ODAD3: variants seen among roughly 807,000 people sequenced by gnomAD.
ODAD3 encodes outer dynein arm docking complex subunit 3, also known as outer dynein arm-docking complex subunit 3.
ODAD3 carries 57 observed loss-of-function variants against 70.9 expected under a neutral mutation model. The observed-to-expected ratio is 0.80, with a 90% CI of 0.65 to 1.00. ODAD3 has a LOEUF of 1.00. Among genes scored for constraint, ODAD3 ranks in the 50% least tolerant of loss-of-function variants. ODAD3 has a pLI of 0.00. For missense variants in ODAD3, 797 were observed against 763.9 expected, an observed-to-expected ratio of 1.04 and a Z score of -0.51; for synonymous variants, 327 against 315.9, an observed-to-expected ratio of 1.04 and a Z score of -0.37.
rs1165764043 is a variant in ODAD3, at chr19:11,426,154, A to G, written c.953T>C (p.Met318Thr). 1 of 1,610,330 alleles carries G rather than the reference A, an allele frequency of 6.2e-7. No homozygotes were observed. Among genetic ancestry groups the G allele is most frequent in the Non-Finnish European group, 8.5e-7 (1 of 1,179,308 alleles). ...AEEKKLENER[M>T]ERKTHREHLL... ...CCTGGGTGCGCCCACCTTGCGCTCCATGCGCTCGTTCTCCAGTTTCTTCTC... is the reference window on the plus strand; with the variant it reads ...CCTGGGTGCGCCCACCTTGCGCTCCGTGCGCTCGTTCTCCAGTTTCTTCTC... The change falls in exon 7 of 13, where the codon ATG becomes ACG. Residue 318 changes from methionine (M) to threonine (T), a missense_variant. Transcript: ENST00000356392.
At position 11,427,035 on chromosome 19, in the gene ODAD3, C is replaced by A; in HGVS notation, c.450G>T (p.Leu150=). Residue 150 remains leucine (L), a synonymous_variant, in exon 4 of 13, where the codon CTG becomes CTT. Transcript: ENST00000356392. The part of the protein sequence containing the change: ...PYLKNRTGQA[L]EHLDHRLREK... ...CCCTCAGCCGGTGGTCTAGGTGCTCCAGGGCCTGCCGCAAGGAGGGGAGCG... is the reference window on the plus strand; with the variant it reads ...CCCTCAGCCGGTGGTCTAGGTGCTCAAGGGCCTGCCGCAAGGAGGGGAGCG... 1 of 1,581,026 alleles carries A rather than the reference C, an allele frequency of 6.3e-7. No individual in the cohort carries two copies. Among genetic ancestry groups the A allele is most frequent in the East Asian group, 2.3e-5 (1 of 44,120 alleles).
intron 10 of ODAD3, 114 bp from the exon 11 acceptor site, chr19:11,421,946 GC>G: frequency 8.3e-7 from 1 of 1,203,214 alleles, no homozygotes; most frequent in Non-Finnish European, 1.1e-6. Context: ...GGGCCCACCT[GC>G]AGGGTCGATC....
chr19:11,420,991 G>A (rs762260521), intron 12 of ODAD3, 44 bp from the exon 13 acceptor site: 3 of 1,597,554 alleles, frequency 1.9e-6, no homozygotes, highest in Non-Finnish European at 2.6e-6. Flanking sequence ...GTGGGATCCA[G>A]GTCCCCATCC....
At chr19:11,428,363 T>C (rs1019931872) in intron 3 of ODAD3, among the ~76,000 whole-genome samples, 12 of 151,864 alleles carry the variant, frequency 7.9e-5, no homozygotes, top group Non-Finnish European at 1.3e-4. Context: ...CTCCTCAGCG[T>C]CCTCAGTTGC....
upstream of ODAD3, chr19:11,435,196 G>A (rs1969645584): frequency 2.1e-6 from 3 of 1,426,954 alleles, no homozygotes; most frequent in South Asian, 1.5e-5. Context: ...TCTCTCCACT[G>A]TTTCCATGGA....
Position 11,430,689 on chromosome 19 carries a change from G to T in ODAD3, c.444+10C>A, listed in dbSNP as rs768312052. The T allele has an allele frequency of 1.2e-6, 2 of 1,613,986 alleles. No individual in the cohort carries two copies. Among genetic ancestry groups the T allele is most frequent in the South Asian group, 2.2e-5 (2 of 91,066 alleles). On this transcript the variant is annotated intron_variant, in intron 3 of 12. Coordinates refer to ENST00000356392, the MANE Select transcript of ODAD3 (RefSeq NM_145045.5). Reference sequence around the variant, plus strand: ...AAATGAAGGAGGAGGTGGGGCGAGGGTGGGCAAACCTGTCCTGTCCTGTTC... The same window carrying T: ...AAATGAAGGAGGAGGTGGGGCGAGGTTGGGCAAACCTGTCCTGTCCTGTTC...
In ODAD3 at chr19:11,425,245, A is replaced by G. The variant is rs1165552203; in HGVS notation, c.963+899T>C. On this transcript the variant is annotated intron_variant, in intron 7 of 12. Transcript: ENST00000356392. ...TATGTGTGTATATGTACATATGTGT[A>G]TATATGTATATGTACATATGTGTAT... Among the ~76,000 whole-genome samples, 7 of 130,914 alleles carry G rather than the reference A, an allele frequency of 5.3e-5. 2 individuals carry two copies. Among genetic ancestry groups the G allele is most frequent in the African/African-American group, 1.5e-4 (4 of 26,720 alleles). 85.9% of individuals were successfully genotyped at this position (130,914 alleles called of 152,430 possible).
Position 11,430,932 on chromosome 19 carries a change from C to T in ODAD3, c.333G>A (p.Lys111=), listed in dbSNP as rs2144780650. Residue 111 remains lysine (K), a synonymous_variant, in exon 2 of 13, where the codon AAG becomes AAA. Coordinates refer to ENST00000356392, the MANE Select transcript of ODAD3 (RefSeq NM_145045.5). ...GGTCCAGCAGCTTTAGTTCCAGTGC[C>T]TTAGTCTCCTTGCGGAGCTGACTGA... ...ETISQLRKET[K]ALELKLLDLL... 1 of 1,614,048 alleles carries T rather than the reference C, an allele frequency of 6.2e-7. No homozygotes were observed. The highest frequency in any genetic ancestry group is 8.5e-7 in the Non-Finnish European group (1 of 1,180,022).
rs1297661876 is a variant in ODAD3, at chr19:11,426,805, G to A, written c.613-21C>T. ...ATGGTCTGGAGAGCAGCAGGGCTGGGCTGAGGGCCCTCCGCACTCAATCCC... is the reference window on the plus strand; with the variant it reads ...ATGGTCTGGAGAGCAGCAGGGCTGGACTGAGGGCCCTCCGCACTCAATCCC... On this transcript the variant is annotated intron_variant, in intron 4 of 12. Coordinates refer to ENST00000356392, the MANE Select transcript of ODAD3 (RefSeq NM_145045.5). 3 of 1,613,666 alleles carry A rather than the reference G, an allele frequency of 1.9e-6. No individual in the cohort carries two copies. The South Asian group carries it at 3.3e-5, about 18-fold the overall frequency.
intron 6 of ODAD3, 48 bp from the exon 7 acceptor site, chr19:11,426,314 G>A (rs1254326720): frequency 6.2e-7 from 1 of 1,610,382 alleles, no homozygotes; most frequent in East Asian, 2.2e-5. Flanking sequence ...ACCTACCACT[G>A]CCCGCCGCAG....
At chr19:11,435,546 C>T (rs910288847), upstream of ODAD3, 1 of 581,994 alleles carries the variant, frequency 1.7e-6, no homozygotes. Flanking sequence ...CGCCCCCACT[C>T]CTGCCTCTCC....
chr19:11,423,592 T>A (rs945989731), intron 8 of ODAD3, among the ~76,000 whole-genome samples: 2 of 152,076 alleles, frequency 1.3e-5, no homozygotes, highest in African/African-American at 4.8e-5. Flanking sequence ...AGAGCTGGCA[T>A]GGCAAAGGAG....
rs1398050776 is a variant in ODAD3, at chr19:11,425,201, ATG to A, written c.963+941_963+942del. 7.9e-5 allele frequency among the ~76,000 whole-genome samples: 11 copies of A among 138,408 alleles called. 2 individuals are homozygous for A. The highest frequency in any genetic ancestry group is 2.2e-4 in the South Asian group (1 of 4,476). 90.8% of individuals were successfully genotyped at this position (138,408 alleles called of 152,430 possible). On this transcript the variant is annotated intron_variant, in intron 7 of 12. Coordinates refer to ENST00000356392, the MANE Select transcript of ODAD3 (RefSeq NM_145045.5). The stretch of plus-strand genomic sequence containing the variant: ...CATATGTGTATATATACATATGTGT[ATG>A]TGTACATATGTGTATATATGTGTGT...
At position 11,430,945 on chromosome 19, in the gene ODAD3, C is replaced by A. The variant is rs376087461; in HGVS notation, c.320G>T (p.Arg107Leu). 6 of 1,614,040 alleles carry A rather than the reference C, an allele frequency of 3.7e-6. No individual in the cohort carries two copies. Among genetic ancestry groups the A allele is most frequent in the Admixed American group, 3.3e-5 (2 of 59,990 alleles). ...KKNQETISQL[R>L]KETKALELKL... Reference sequence around the variant, plus strand: ...TAGTTCCAGTGCCTTAGTCTCCTTGCGGAGCTGACTGATGGTCTCCTGGTT... The same window carrying A: ...TAGTTCCAGTGCCTTAGTCTCCTTGAGGAGCTGACTGATGGTCTCCTGGTT... Residue 107 changes from arginine to leucine, a missense_variant, in exon 2 of 13, where the codon CGC becomes CTC. Transcript: ENST00000356392.
chr19:11,426,198 C>T lies in ODAD3; in HGVS notation c.909G>A (p.Glu303=). 6.2e-7 allele frequency: 1 copy of T among 1,613,796 alleles called. No individual in the cohort carries two copies. Among genetic ancestry groups the T allele is most frequent in the Non-Finnish European group, 8.5e-7 (1 of 1,179,902 alleles). The part of the protein sequence containing the change: ...ERKKRERYIS[E]CKKRAEEKKL... ...TCTTCTCCTCGGCGCGCTTCTTGCA[C>T]TCACTTATGTAGCGTTCCCGCTTCT... Residue 303 remains glutamate (E), a synonymous_variant, in exon 7 of 13, where the codon GAG becomes GAA. Transcript: ENST00000356392.
chr19:11,424,577 ATATATACC>A (rs1471221861), intron 7 of ODAD3, among the ~76,000 whole-genome samples: 2 of 138,106 alleles, frequency 1.4e-5, no homozygotes, highest in Non-Finnish European at 3.0e-5. Flanking sequence ...ATATATGTGT[ATATATACC>A]TATGTGTATA....
chr19:11,426,811 G>A, intron 4 of ODAD3, 27 bp from the exon 5 acceptor site: 1 of 1,613,496 alleles, frequency 6.2e-7, no homozygotes, highest in Non-Finnish European at 8.5e-7. Flanking sequence ...CTGGGCTGAG[G>A]GCCCTCCGCA....
chr19:11,429,356 C>T (rs1210804648), intron 3 of ODAD3, among the ~76,000 whole-genome samples: 4 of 151,694 alleles, frequency 2.6e-5, no homozygotes, highest in African/African-American at 7.3e-5. Context: ...GGACTACAGG[C>T]GCCCACCACC....
upstream of ODAD3, chr19:11,435,241 C>A: frequency 7.2e-7 from 1 of 1,385,772 alleles, no homozygotes; most frequent in Non-Finnish European, 9.4e-7. Flanking sequence ...ACTGCGTTCT[C>A]ATTGGCTGAG....
Sources: gnomAD v4.1 joint callset for allele counts (sites outside exome capture counted in the v4.1 genomes callset) on GRCh38, gnomAD v4.1.1 for gene constraint, MANE v1.5 for transcripts, NCBI Gene and HGNC (gene_info 2026-07-23, HGNC 2026-07-21) for gene names.